The following JAKMIP2 variants were observed in gnomAD, a reference collection of about 807,000 sequenced individuals.
JAKMIP2 encodes janus kinase and microtubule-interacting protein 2.
A neutral mutation model predicts 115.0 loss-of-function variants in JAKMIP2; 25 were observed. That is an observed-to-expected ratio of 0.22 (90% CI 0.16 to 0.30). The LOEUF (loss-of-function observed/expected upper bound fraction) is 0.30. Among genes scored for constraint, JAKMIP2 ranks in the 10% least tolerant of loss-of-function variants. The probability of loss-of-function intolerance (pLI) is 1.00; values close to 1 mark genes in which losing one functional copy is unlikely to be tolerated. For synonymous variants in JAKMIP2, 334 were observed against 343.6 expected, an observed-to-expected ratio of 0.97 and a Z score of 0.31; for missense variants, 642 against 957.6, an observed-to-expected ratio of 0.67 and a Z score of 4.35.
chr5:147,623,477 T>G (rs1561497449), intron 17 of JAKMIP2, 144 bp downstream of exon 17: 3 of 492,518 alleles, frequency 6.1e-6, no homozygotes, highest in Non-Finnish European at 7.2e-6. Flanking sequence ...CTGGTAATTT[T>G]TTTTCCATCT....
intron 1 of JAKMIP2, among the ~76,000 whole-genome samples, chr5:147,695,097 A>AGCATGATTT (rs1334178240): frequency 5.3e-5 from 8 of 152,322 alleles, no homozygotes; most frequent in African/African-American, 1.7e-4. Flanking sequence ...TTTATGATCA[A>AGCATGATTT]GCTAGACTCA....
At chr5:147,725,193 C>G (rs1753468972) in intron 1 of JAKMIP2, among the ~76,000 whole-genome samples, 1 of 151,990 alleles carries the variant, frequency 6.6e-6, no homozygotes, top group African/African-American at 2.4e-5. Context: ...AAGAAGTCAC[C>G]CTATATGGTC....
chr5:147,643,830 GTTA>G (rs1041117658), intron 7 of JAKMIP2, among the ~76,000 whole-genome samples: 4 of 152,138 alleles, frequency 2.6e-5, no homozygotes, highest in African/African-American at 9.7e-5. Context: ...GTGCTTTGCT[GTTA>G]TTATTTGTGC....
At chr5:147,740,338 A>C (rs184175644) in intron 1 of JAKMIP2, among the ~76,000 whole-genome samples, 2 of 152,372 alleles carry the variant, frequency 1.3e-5, no homozygotes, top group Admixed American at 1.3e-4. Flanking sequence ...TTGCCATTAC[A>C]TACCTAACAA....
chr5:147,704,763 T>C (rs1042062704), intron 1 of JAKMIP2, among the ~76,000 whole-genome samples: 4 of 152,180 alleles, frequency 2.6e-5, no homozygotes, highest in Non-Finnish European at 2.9e-5. Context: ...TCAATAATCA[T>C]TTCTACTTGA....
chr5:147,657,172 C>T (rs570996876), intron 3 of JAKMIP2, among the ~76,000 whole-genome samples: 6 of 152,008 alleles, frequency 3.9e-5, no homozygotes, highest in East Asian at 1.9e-4. Context: ...CCCGGCTATT[C>T]GGGAGGCTGA....
intron 10 of JAKMIP2, among the ~76,000 whole-genome samples, chr5:147,639,420 A>G (rs1182406517): frequency 6.6e-6 from 1 of 152,232 alleles, no homozygotes; most frequent in Non-Finnish European, 1.5e-5. Flanking sequence ...TATGTACTCA[A>G]CTATCTTTAA....
intron 18 of JAKMIP2, 38 bp downstream of exon 18, chr5:147,620,628 T>G (rs373805138): frequency 2.8e-6 from 4 of 1,437,436 alleles, no homozygotes; most frequent in Non-Finnish European, 3.9e-6. Flanking sequence ...TGCATAACTG[T>G]AAATACTGCG....
At chr5:147,673,034 G>T (rs1309700122) in intron 1 of JAKMIP2, among the ~76,000 whole-genome samples, 5 of 152,184 alleles carry the variant, frequency 3.3e-5, no homozygotes, top group African/African-American at 1.2e-4. Context: ...CCCTAACAGA[G>T]CAGTACTTTG....
At chr5:147,681,314 T>C (rs1760261001) in intron 1 of JAKMIP2, among the ~76,000 whole-genome samples, 1 of 152,200 alleles carries the variant, frequency 6.6e-6, no homozygotes, top group Non-Finnish European at 1.5e-5. Context: ...CATCCAGAAC[T>C]GATCTACTAA....
At chr5:147,631,640 C>T (rs1315013149) in intron 13 of JAKMIP2, 129 bp from the exon 14 acceptor site, 2 of 557,800 alleles carry the variant, frequency 3.6e-6, no homozygotes. Context: ...AAAATTCAAT[C>T]TCAAGATGTT....
chr5:147,632,029 T>A (rs1200352420), intron 13 of JAKMIP2, among the ~76,000 whole-genome samples: 1 of 152,210 alleles, frequency 6.6e-6, no homozygotes, highest in African/African-American at 2.4e-5. Flanking sequence ...TTTCTTATAC[T>A]TTATATATCA....
At chr5:147,723,924 T>G (rs1285832873) in intron 1 of JAKMIP2, among the ~76,000 whole-genome samples, 2 of 152,152 alleles carry the variant, frequency 1.3e-5, no homozygotes, top group Non-Finnish European at 2.9e-5. Context: ...TGAAATGACC[T>G]AATAATTTTT....
chr5:147,601,786 G>A lies in JAKMIP2; in HGVS notation c.2438C>T (p.Ser813Phe). 1 of 1,492,606 alleles carries A rather than the reference G, an allele frequency of 6.7e-7. No homozygotes were observed. Among genetic ancestry groups the A allele is most frequent in the Non-Finnish European group, 9.1e-7 (1 of 1,100,842 alleles). The allele number at this position is 1,492,606 out of a possible 1,614,324, so 92.5% of individuals were successfully genotyped here. A position where few individuals can be genotyped will look rare whatever the true frequency, so the allele number is the denominator to read the frequency against. Residue 813 changes from serine (S) to phenylalanine (F), a missense_variant, in exon 21 of 22, where the codon TCT becomes TTT. Ser to Phe is a radical substitution (Grantham distance 155). Around this residue, in one of 6 missense-constraint regions of JAKMIP2, gnomAD observed 26 missense variants for 50.5 expected, o/e 0.51. Transcript: ENST00000616793. ...TCAAGGCCATAGAATAAAGGCAAGAGAGAAGAACAAGAATAGAAACAGAAA... is the reference window on the plus strand; with the variant it reads ...TCAAGGCCATAGAATAAAGGCAAGAAAGAAGAACAAGAATAGAAACAGAAA... ...EKFLFLFLFFSLAFILWP is the reference protein window; with the variant it reads ...EKFLFLFLFFFLAFILWP
Position 147,671,728 on chromosome 5 carries a change from TG to T in JAKMIP2, c.78del (p.Arg27GlyfsTer9). 6.3e-7 allele frequency: 1 copy of T among 1,590,692 alleles called. No individual in the cohort carries two copies. The highest frequency in any genetic ancestry group is 8.6e-7 in the Non-Finnish European group (1 of 1,167,776). On this transcript the variant is annotated frameshift_variant, in exon 2 of 22. Transcript: ENST00000616793. LOFTEE classifies it high-confidence loss of function. ...IVALQAANEDLRTKLTDIQIE... is the reference protein window; with the variant it reads ...IVALQAANEDXRTKLTDIQIE... ...ATCTGAATGTCTGTGAGCTTGGTCC[TG>T]AGGTCTTCATTGGCAGCTTGAAGGG...
intron 12 of JAKMIP2, among the ~76,000 whole-genome samples, chr5:147,633,969 C>A (rs573182532): frequency 1.1e-4 from 16 of 152,112 alleles, no homozygotes; most frequent in African/African-American, 3.6e-4. Flanking sequence ...GGATTACAGG[C>A]GTGAGCCATT....
chr5:147,744,832 G>A (rs1055146098), intron 1 of JAKMIP2, among the ~76,000 whole-genome samples: 12 of 151,924 alleles, frequency 7.9e-5, no homozygotes, highest in Admixed American at 7.9e-4. Flanking sequence ...GGCCAAGGTG[G>A]GCAGATCATG....
intron 1 of JAKMIP2, among the ~76,000 whole-genome samples, chr5:147,678,959 TTTTATTTATTTATTTATTTA>T (rs60338770): frequency 0.026 from 3,803 of 147,992 alleles, 163 homozygotes; most frequent in African/African-American, 0.089. Context: ...CCAACTACAT[TTTTATTTATTTATTTATTTA>T]TTTATTTATT....
Position 147,639,708 on chromosome 5 carries a change from T to C in JAKMIP2, c.1454A>G (p.Tyr485Cys). The C allele has an allele frequency of 6.2e-7, 1 of 1,614,022 alleles. No homozygotes were observed. Among genetic ancestry groups the C allele is most frequent in the African/African-American group, 1.3e-5 (1 of 75,042 alleles). Residue 485 changes from tyrosine (Y) to cysteine (C), a missense_variant, in exon 10 of 22, where the codon TAT becomes TGT. By Grantham distance (194) the Tyr-to-Cys change is radical. This residue lies in a region of JAKMIP2 where 103 missense variants were observed against 177.6 expected (regional missense o/e 0.58). Transcript: ENST00000616793. ...ELRFRQLTKE[Y>C]QALQRAYALL... ...GGCATATGCTCTTTGGAGGGCCTGATATTCTTTTGTTAATTGTCGAAATCT... is the reference window on the plus strand; with the variant it reads ...GGCATATGCTCTTTGGAGGGCCTGACATTCTTTTGTTAATTGTCGAAATCT...
Sources: allele counts gnomAD v4.1 joint callset (sites outside exome capture counted in the v4.1 genomes callset), GRCh38; gene constraint gnomAD v4.1.1; regional missense constraint gnomAD v4.1.1; transcripts MANE v1.5; gene names NCBI Gene and HGNC (gene_info 2026-07-23, HGNC 2026-07-21).